Variants in CPEB2 observed in about 807,000 individuals in gnomAD.
CPEB2 encodes cytoplasmic polyadenylation element-binding protein 2.
A neutral mutation model predicts 93.6 loss-of-function variants in CPEB2; 56 were observed. That is an observed-to-expected ratio of 0.60 (90% CI 0.48 to 0.75). The LOEUF (loss-of-function observed/expected upper bound fraction) is 0.75, where lower values mean the gene tolerates loss of function less well. Ranked by LOEUF, CPEB2 falls within the 30% of genes least tolerant of loss-of-function variation. The pLI, the probability that CPEB2 is intolerant of heterozygous loss-of-function variation, is 0.00. For missense variants in CPEB2, 1,579 were observed against 1,395.1 expected, an observed-to-expected ratio of 1.13 and a Z score of -2.10; for synonymous variants, 764 against 586.3, an observed-to-expected ratio of 1.30 and a Z score of -4.38.
Position 15,002,968 on chromosome 4 carries a change from C to G in CPEB2, c.295C>G (p.Leu99Val), listed in dbSNP as rs1030444868. 2.0e-6 allele frequency: 3 copies of G among 1,510,332 alleles called. No homozygotes were observed. In the Admixed American group the frequency reaches 7.1e-5, roughly 36 times the overall value. 93.6% of individuals were successfully genotyped at this position (1,510,332 alleles called of 1,614,324 possible). The change falls in exon 1 of 12, where the codon CTG becomes GTG. Residue 99 changes from leucine to valine, a missense_variant. By Grantham distance (32) the Leu-to-Val change is conservative. This residue lies in a region of CPEB2 where 1,411 missense variants were observed against 1,056.0 expected (regional missense o/e 1.34). Coordinates refer to ENST00000538197, the MANE Select transcript of CPEB2 (RefSeq NM_001177382.2). Reference sequence around the variant, plus strand: ...GCAGACCATGCAGGATGAGCTGCTTCTGGGGCTGACACAGCAGCCGGCGCG... The same window carrying G: ...GCAGACCATGCAGGATGAGCTGCTTGTGGGGCTGACACAGCAGCCGGCGCG... ...HQQTMQDELLLGLTQQPARPL... is the reference protein window; with the variant it reads ...HQQTMQDELLVGLTQQPARPL...
intron 4 of CPEB2, among the ~76,000 whole-genome samples, chr4:15,018,892 G>A (rs889702931): frequency 6.9e-6 from 1 of 144,154 alleles, no homozygotes; most frequent in Non-Finnish European, 1.5e-5. Flanking sequence ...GTAAAAAGAG[G>A]ACATTGAAAA....
rs772605889 is a variant in CPEB2, at chr4:15,004,124, G to A, written c.1451G>A (p.Gly484Asp). The A allele has an allele frequency of 4.6e-6, 7 of 1,536,420 alleles. No individual in the cohort carries two copies. Among genetic ancestry groups the A allele is most frequent in the Non-Finnish European group, 6.1e-6 (7 of 1,146,574 alleles). ...CTCAGCGTTCCGACGAGCGGCGGCGGCGGCGGCGGCTTCGGCGGCCCCTTC... is the reference window on the plus strand; with the variant it reads ...CTCAGCGTTCCGACGAGCGGCGGCGACGGCGGCGGCTTCGGCGGCCCCTTC... ...TGLSVPTSGG[G>D]GGGFGGPFSA... The change falls in exon 1 of 12, where the codon GGC becomes GAC. Residue 484 changes from glycine (G) to aspartate (D), a missense_variant. By Grantham distance (94) the Gly-to-Asp change is moderately conservative. This residue lies in a region of CPEB2 where 1,411 missense variants were observed against 1,056.0 expected (regional missense o/e 1.34). Transcript: ENST00000538197.
Position 15,003,873 on chromosome 4 carries a change from C to A in CPEB2, c.1200C>A (p.Thr400=). ...PPPQPQQPPP[T]QPQQQPPPPQ... ...CCCAGCCCCAGCAGCCGCCGCCGAC[C>A]CAGCCGCAGCAGCAGCCGCCGCCAC... The change falls in exon 1 of 12, where the codon ACC becomes ACA. Residue 400 remains threonine (T), a synonymous_variant. Coordinates refer to ENST00000538197, the MANE Select transcript of CPEB2 (RefSeq NM_001177382.2). The A allele has an allele frequency of 5.8e-6, 5 of 862,162 alleles. No homozygotes were observed. Among genetic ancestry groups the A allele is most frequent in the South Asian group, 7.1e-5 (2 of 27,998 alleles). The allele number at this position is 862,162 out of a possible 1,614,324, so 53.4% of individuals were successfully genotyped here.
At chr4:15,044,566 A>T (rs1448785476) in intron 6 of CPEB2, among the ~76,000 whole-genome samples, 1 of 152,208 alleles carries the variant, frequency 6.6e-6, no homozygotes, top group East Asian at 1.9e-4. Flanking sequence ...TTTATCCTTA[A>T]TGAGAAAGGT....
At chr4:15,032,862 G>A (rs1390983987) in intron 4 of CPEB2, among the ~76,000 whole-genome samples, 1 of 152,042 alleles carries the variant, frequency 6.6e-6, no homozygotes, top group African/African-American at 2.4e-5. Flanking sequence ...GGATATGATA[G>A]ATATATTGTT....
intron 5 of CPEB2, among the ~76,000 whole-genome samples, chr4:15,035,521 G>T: frequency 6.6e-6 from 1 of 152,122 alleles, no homozygotes; most frequent in East Asian, 1.9e-4. Context: ...ATTTGAAAGA[G>T]TAAAAATCAT....
At chr4:15,049,190 T>C (rs1280961542) in intron 6 of CPEB2, among the ~76,000 whole-genome samples, 2 of 152,070 alleles carry the variant, frequency 1.3e-5, no homozygotes, top group Non-Finnish European at 2.9e-5. Context: ...AAACAAAAAG[T>C]TTGAGTCACT....
chr4:15,042,221 G>A (rs558638389), intron 6 of CPEB2, among the ~76,000 whole-genome samples: 39 of 152,100 alleles, frequency 2.6e-4, no homozygotes, highest in African/African-American at 8.9e-4. Flanking sequence ...GTCTAATTTC[G>A]TATGCTCTCA....
intron 5 of CPEB2, among the ~76,000 whole-genome samples, chr4:15,035,127 G>C (rs1726483016): frequency 6.6e-6 from 1 of 152,080 alleles, no homozygotes; most frequent in Non-Finnish European, 1.5e-5. Context: ...TAAGTAAGTT[G>C]AATTACTTAA....
chr4:15,063,085 A>G (rs1729352008), intron 11 of CPEB2, among the ~76,000 whole-genome samples: 1 of 152,064 alleles, frequency 6.6e-6, no homozygotes. Flanking sequence ...AATTTTTTAT[A>G]TCTGAATTAG....
chr4:15,025,631 C>T (rs1453351553), intron 4 of CPEB2, among the ~76,000 whole-genome samples: 1 of 151,728 alleles, frequency 6.6e-6, no homozygotes, highest in Non-Finnish European at 1.5e-5. Context: ...AGCTGCTAGA[C>T]TTCTTAGATG....
At chr4:15,019,251 AC>A (rs1724551457) in intron 4 of CPEB2, among the ~76,000 whole-genome samples, 1 of 151,932 alleles carries the variant, frequency 6.6e-6, no homozygotes, top group African/African-American at 2.4e-5. Context: ...TGATATTTCT[AC>A]AAAGCACCAT....
intron 4 of CPEB2, among the ~76,000 whole-genome samples, chr4:15,029,330 T>C (rs1392689254): frequency 6.6e-6 from 1 of 152,110 alleles, no homozygotes; most frequent in Non-Finnish European, 1.5e-5. Context: ...GGGCCGACTG[T>C]ATATGTTATA....
intron 1 of CPEB2, chr4:15,004,986 GCCTC>G (rs1282786708): frequency 2.0e-5 from 3 of 152,158 alleles, no homozygotes; most frequent in African/African-American, 7.2e-5. Context: ...TCGCCTTGAA[GCCTC>G]AGCCCCTCGG....
At chr4:15,040,960 A>G (rs529933677) in intron 6 of CPEB2, among the ~76,000 whole-genome samples, 20 of 152,170 alleles carry the variant, frequency 1.3e-4, no homozygotes, top group Non-Finnish European at 2.8e-4. Context: ...TATAGAAATC[A>G]TGTTGCTTAT....
chr4:15,011,979 T>C (rs1261255299), intron 3 of CPEB2, among the ~76,000 whole-genome samples: 2 of 150,448 alleles, frequency 1.3e-5, no homozygotes, highest in Admixed American at 6.7e-5. Flanking sequence ...TAGGCTGTTA[T>C]GATAATGTGG....
chr4:15,014,686 A>G (rs558441724), intron 3 of CPEB2, among the ~76,000 whole-genome samples: 1 of 151,852 alleles, frequency 6.6e-6, no homozygotes, highest in South Asian at 2.1e-4. Flanking sequence ...TACATTTTTT[A>G]TTGAGTTTTT....
At chr4:15,040,282 A>G (rs1350872340) in intron 5 of CPEB2, among the ~76,000 whole-genome samples, 182 bp from the exon 6 acceptor site, 1 of 152,222 alleles carries the variant, frequency 6.6e-6, no homozygotes, top group Non-Finnish European at 1.5e-5. Context: ...TTACCTATAA[A>G]TAAAAGTCCT....
intron 4 of CPEB2, among the ~76,000 whole-genome samples, chr4:15,020,623 G>T (rs536728399): frequency 3.3e-5 from 5 of 152,134 alleles, no homozygotes; most frequent in Non-Finnish European, 7.4e-5. Context: ...GGCATAGCAG[G>T]TAGGAAGGGT....
Sources: allele counts gnomAD v4.1 joint callset (sites outside exome capture counted in the v4.1 genomes callset), GRCh38; gene constraint gnomAD v4.1.1; regional missense constraint gnomAD v4.1.1; transcripts MANE v1.5; gene names NCBI Gene and HGNC (gene_info 2026-07-23, HGNC 2026-07-21).